LARS1: variants seen among roughly 807,000 people sequenced by gnomAD.
LARS1 encodes leucyl-tRNA synthetase 1, also known as leucine--tRNA ligase, cytoplasmic.
Under a neutral mutation model 162.8 loss-of-function variants are expected in LARS1, and 100 were observed. That is an observed-to-expected ratio of 0.61 (90% CI 0.52 to 0.73). LARS1 has a LOEUF of 0.73. Among genes scored for constraint, LARS1 ranks in the 30% least tolerant of loss-of-function variants. LARS1 has a pLI of 0.00. For missense variants in LARS1, 1,258 were observed against 1,408.9 expected (o/e 0.89, Z 1.71); for synonymous variants, 457 against 462.8 (o/e 0.99, Z 0.16).
At chr5:146,155,153 G>T (rs562780060) in intron 10 of LARS1, among the ~76,000 whole-genome samples, 1 of 151,866 alleles carries the variant, frequency 6.6e-6, no homozygotes, top group African/African-American at 2.4e-5. Flanking sequence ...TGCCCGTCCC[G>T]GAAAAATAAT....
In LARS1 at chr5:146,174,589, T is replaced by TATCC. The variant is rs1754464447; in HGVS notation, c.126-1816_126-1815insGGAT. ...ATATATCCATATATGTATATATCCA[T>TATCC]ATATATATATATATATATCCATTAG... is the stretch of plus-strand genomic sequence containing the variant. On this transcript the variant is annotated intron_variant, in intron 2 of 31. Transcript: ENST00000394434. 2.9e-3 allele frequency among the ~76,000 whole-genome samples: 14 copies of TATCC among 4,910 alleles called. 1 individual carries two copies. Among genetic ancestry groups the TATCC allele is most frequent in the African/African-American group, 4.8e-3 (14 of 2,936 alleles). The allele number at this position is 4,910 out of a possible 152,430, so 3.2% of individuals were successfully genotyped here. A position where few individuals can be genotyped will look rare whatever the true frequency, so the allele number is the denominator to read the frequency against.
intron 5 of LARS1, among the ~76,000 whole-genome samples, chr5:146,165,437 A>G (rs910740730): frequency 6.6e-6 from 1 of 151,724 alleles, no homozygotes; most frequent in Non-Finnish European, 1.5e-5. Flanking sequence ...AGACTAAAAC[A>G]TGAGAATTGC....
chr5:146,133,692 C>CAAAAA lies in LARS1; in HGVS notation c.2213-616_2213-612dup, dbSNP rs55993097. Reference sequence around the variant, plus strand: ...CCTACAATGGAACACTATAGGGTTGCAAAAAAAAAAAAAAAAAAAAGAGGG... The same window carrying CAAAAA: ...CCTACAATGGAACACTATAGGGTTGCAAAAAAAAAAAAAAAAAAAAAAAAAGAGGG... On this transcript the variant is annotated intron_variant, in intron 22 of 31. Transcript: ENST00000394434. Among the ~76,000 whole-genome samples the CAAAAA allele has an allele frequency of 5.3e-5, 6 of 112,278 alleles. 1 individual carries two copies. The highest frequency in any genetic ancestry group is 1.4e-4 in the African/African-American group (4 of 28,744). The allele number at this position is 112,278 out of a possible 152,430, so 73.7% of individuals were successfully genotyped here.
intron 13 of LARS1, among the ~76,000 whole-genome samples, chr5:146,152,395 C>G (rs1753334821): frequency 6.6e-6 from 1 of 152,178 alleles, no homozygotes; most frequent in African/African-American, 2.4e-5. Context: ...GGCTGCACAG[C>G]AGGAGGTGAG....
At chr5:146,143,193 T>A (rs1222783547) in intron 19 of LARS1, 109 bp from the exon 20 acceptor site, 2 of 814,590 alleles carry the variant, frequency 2.5e-6, no homozygotes, top group Admixed American at 3.4e-5. Context: ...CTTAATGTAG[T>A]TACAGGAACA....
At position 146,168,466 on chromosome 5, in the gene LARS1, G is replaced by A. The variant is rs538418056; in HGVS notation, c.295-201C>T. Reference sequence around the variant, plus strand: ...TAATCCCAGCACCTTGGGAGGCTGAGGCAGGCAGATCACTTGTCAGGAGTT... The same window carrying A: ...TAATCCCAGCACCTTGGGAGGCTGAAGCAGGCAGATCACTTGTCAGGAGTT... On this transcript the variant is annotated intron_variant, in intron 4 of 31. Transcript: ENST00000394434. Among the ~76,000 whole-genome samples the A allele has an allele frequency of 3.9e-5, 6 of 152,328 alleles. No individual in the cohort carries two copies. In the East Asian group the frequency reaches 1.2e-3, roughly 29 times the overall value.
rs1753040760 is a variant in LARS1 at position 146,147,011 on chromosome 5, C to T, written c.1504-2302G>A. Among the ~76,000 whole-genome samples, 4 of 151,972 alleles carry T rather than the reference C, an allele frequency of 2.6e-5. No homozygotes were observed. In the South Asian group the frequency reaches 6.2e-4, roughly 24 times the overall value. ...ACAGGTATGAGCCACTGTGCCTGGC[C>T]ACCTAGACCTTTTGAGCTAGAGATT... On this transcript the variant is annotated intron_variant, in intron 15 of 31. Transcript: ENST00000394434.
intron 10 of LARS1, among the ~76,000 whole-genome samples, chr5:146,154,912 G>T (rs1260759017): frequency 2.0e-5 from 3 of 151,992 alleles, no homozygotes; most frequent in Non-Finnish European, 4.4e-5. Context: ...GGAGTGCAAT[G>T]GCATGATCTC....
rs192976923 is a variant in LARS1 at position 146,114,834 on chromosome 5, C to T, written c.3326-523G>A. Among the ~76,000 whole-genome samples, 662 of 151,300 alleles carry T rather than the reference C, an allele frequency of 4.4e-3. 5 individuals carry two copies. The highest frequency in any genetic ancestry group is 0.015 in the African/African-American group (616 of 41,244). Reference sequence around the variant, plus strand: ...GCTGAGGTGGGCAGATCGCGAGGTCCGGAGATCGAGACCATCCTGACCAAC... The same window carrying T: ...GCTGAGGTGGGCAGATCGCGAGGTCTGGAGATCGAGACCATCCTGACCAAC... On this transcript the variant is annotated intron_variant, in intron 31 of 31. Transcript: ENST00000394434.
intron 10 of LARS1, among the ~76,000 whole-genome samples, chr5:146,156,743 A>G (rs1459286082): frequency 6.6e-6 from 1 of 151,906 alleles, no homozygotes; most frequent in East Asian, 1.9e-4. Context: ...GTAACCATCC[A>G]TATTTAATTA....
chr5:146,157,018 A>G (rs1753558756), intron 10 of LARS1, among the ~76,000 whole-genome samples: 1 of 152,224 alleles, frequency 6.6e-6, no homozygotes, highest in African/African-American at 2.4e-5. Flanking sequence ...TACAACATGT[A>G]TGAATCTCAC....
At chr5:146,160,565 T>C (rs1300311298) in intron 6 of LARS1, 79 bp from the exon 7 acceptor site, 2 of 640,526 alleles carry the variant, frequency 3.1e-6, no homozygotes, top group South Asian at 4.3e-5. Context: ...ATGAATCAAT[T>C]ATTTACTCTT....
chr5:146,147,176 A>G (rs976889405), intron 15 of LARS1, among the ~76,000 whole-genome samples: 1 of 152,226 alleles, frequency 6.6e-6, no homozygotes, highest in Non-Finnish European at 1.5e-5. Context: ...ACCCATAAGC[A>G]AAAACATTTC....
intron 6 of LARS1, among the ~76,000 whole-genome samples, chr5:146,163,938 G>T (rs1484299374): frequency 1.3e-5 from 2 of 152,144 alleles, no homozygotes; most frequent in Non-Finnish European, 2.9e-5. Context: ...GAAAACCAAG[G>T]AGAGAAAGAG....
At chr5:146,139,929 TAGA>T (rs1027138850) in intron 21 of LARS1, among the ~76,000 whole-genome samples, 28 of 149,932 alleles carry the variant, frequency 1.9e-4, no homozygotes, top group Middle Eastern at 6.8e-3. Flanking sequence ...ATATGCTAAT[TAGA>T]AGGTTTTTAA....
intron 21 of LARS1, chr5:146,139,038 G>A (rs1385080116): frequency 7.2e-6 from 1 of 137,976 alleles, no homozygotes; most frequent in South Asian, 4.6e-5. Context: ...AAGTGGATTT[G>A]TGAAAAAAAA....
At chr5:146,172,012 T>A in intron 3 of LARS1, 22 bp from the exon 4 acceptor site, 1 of 1,581,214 alleles carries the variant, frequency 6.3e-7, no homozygotes, top group South Asian at 1.1e-5. Context: ...AAATTAAATT[T>A]AAATTGCAAA....
At chr5:146,178,243 A>C (rs988442519) in intron 1 of LARS1, among the ~76,000 whole-genome samples, 3 of 152,210 alleles carry the variant, frequency 2.0e-5, no homozygotes, top group Non-Finnish European at 4.4e-5. Context: ...GTTTCTATTT[A>C]ATTAAAATAC....
chr5:146,135,171 ATTT>A (rs752951458), intron 22 of LARS1, among the ~76,000 whole-genome samples: 1 of 138,636 alleles, frequency 7.2e-6, no homozygotes, highest in Non-Finnish European at 1.6e-5. Context: ...CACCCAGCTA[ATTT>A]TTTTTTTTTT....
Sources: gnomAD v4.1 joint callset for allele counts (sites outside exome capture counted in the v4.1 genomes callset) on GRCh38, gnomAD v4.1.1 for gene constraint, MANE v1.5 for transcripts, NCBI Gene and HGNC (gene_info 2026-07-23, HGNC 2026-07-21) for gene names.